Variants in NXPE2 observed in about 807,000 individuals in gnomAD.
NXPE2 encodes NXPE family member 2.
Under a neutral mutation model 34.4 loss-of-function variants are expected in NXPE2, and 34 were observed. That is an observed-to-expected ratio of 0.99 (90% CI 0.75 to 1.31). NXPE2 has a LOEUF of 1.31. NXPE2 is among the 40% of genes most tolerant of loss of function. NXPE2 has a pLI of 0.00. For synonymous variants in NXPE2, 235 were observed against 231.3 expected, an observed-to-expected ratio of 1.02 and a Z score of -0.15; for missense variants, 649 against 672.5, an observed-to-expected ratio of 0.97 and a Z score of 0.39.
the NXPE2 span, among the ~76,000 whole-genome samples, chr11:114,776,200 C>T: frequency 6.6e-6 from 1 of 152,224 alleles, no homozygotes; most frequent in Non-Finnish European, 1.5e-5. Flanking sequence ...AGTGCTGCAT[C>T]CTCTGATCCA....
At chr11:114,791,191 A>AG in the NXPE2 span, among the ~76,000 whole-genome samples, 6 of 151,794 alleles carry the variant, frequency 4.0e-5, no homozygotes, top group South Asian at 4.2e-4. Context: ...GAAAAAAAAA[A>AG]AAAGGGTGAG....
the NXPE2 span, among the ~76,000 whole-genome samples, chr11:114,807,061 T>A: frequency 6.6e-6 from 1 of 151,878 alleles, no homozygotes; most frequent in Non-Finnish European, 1.5e-5. Context: ...AAAAGAACTT[T>A]CAACCCAGAA....
the NXPE2 span, among the ~76,000 whole-genome samples, chr11:114,534,427 T>A: frequency 6.6e-6 from 1 of 152,168 alleles, no homozygotes; most frequent in African/African-American, 2.4e-5. Flanking sequence ...AGAACAAAGC[T>A]GGACGGAGAA....
the NXPE2 span, among the ~76,000 whole-genome samples, chr11:114,638,353 T>G: frequency 6.6e-6 from 1 of 152,054 alleles, no homozygotes; most frequent in Non-Finnish European, 1.5e-5. Flanking sequence ...GTTATTCTAG[T>G]TATCCATTCG....
the NXPE2 span, among the ~76,000 whole-genome samples, chr11:114,809,306 C>A: frequency 6.6e-6 from 1 of 151,866 alleles, no homozygotes; most frequent in Non-Finnish European, 1.5e-5. Flanking sequence ...CCCTCTCTCA[C>A]CACTCCTATT....
the NXPE2 span, among the ~76,000 whole-genome samples, chr11:114,651,824 T>C: frequency 2.0e-5 from 3 of 152,292 alleles, no homozygotes; most frequent in Non-Finnish European, 4.4e-5. Flanking sequence ...GCATTTACAA[T>C]CCTTTAGCTA....
chr11:114,560,914 C>T, the NXPE2 span, among the ~76,000 whole-genome samples: 9 of 152,220 alleles, frequency 5.9e-5, no homozygotes, highest in South Asian at 2.1e-4. Flanking sequence ...CTTAGCGATA[C>T]GGATTTCAGT....
At chr11:114,792,241 G>A in the NXPE2 span, among the ~76,000 whole-genome samples, 2 of 152,202 alleles carry the variant, frequency 1.3e-5, no homozygotes, top group East Asian at 3.9e-4. Context: ...TCAGCCCTTG[G>A]TGAAGCAGTT....
At chr11:114,644,726 C>T in the NXPE2 span, among the ~76,000 whole-genome samples, 4 of 151,700 alleles carry the variant, frequency 2.6e-5, no homozygotes, top group South Asian at 6.2e-4. Context: ...TCTCTATAAG[C>T]TGATTCTAAA....
At chr11:114,730,951 G>C in the NXPE2 span, among the ~76,000 whole-genome samples, 9 of 152,016 alleles carry the variant, frequency 5.9e-5, no homozygotes, top group Non-Finnish European at 1.3e-4. Flanking sequence ...GGTGAGAGTG[G>C]GCATACTTGT....
the NXPE2 span, among the ~76,000 whole-genome samples, chr11:114,533,546 G>A: frequency 2.0e-5 from 3 of 152,132 alleles, no homozygotes; most frequent in African/African-American, 4.8e-5. Context: ...TCAAAGAAAG[G>A]GGTGACAGAT....
the NXPE2 span, among the ~76,000 whole-genome samples, chr11:114,585,642 C>T: frequency 6.6e-6 from 1 of 151,884 alleles, no homozygotes; most frequent in Non-Finnish European, 1.5e-5. Context: ...ACATTTAGAA[C>T]ACCTAAATAT....
chr11:114,520,322 G>A, the NXPE2 span, among the ~76,000 whole-genome samples: 16 of 152,148 alleles, frequency 1.1e-4, no homozygotes, highest in Non-Finnish European at 2.1e-4. Context: ...TAGTTTTTAA[G>A]TTCCATATAT....
chr11:114,714,219 G>A, the NXPE2 span, among the ~76,000 whole-genome samples: 6 of 152,054 alleles, frequency 3.9e-5, no homozygotes, highest in African/African-American at 1.4e-4. Context: ...ACTATCAGGA[G>A]TACAATGACA....
At chr11:114,606,090 C>T in the NXPE2 span, among the ~76,000 whole-genome samples, 2 of 151,748 alleles carry the variant, frequency 1.3e-5, no homozygotes, top group African/African-American at 4.8e-5. Context: ...TAAGTATTAC[C>T]TCATGGGTAG....
the NXPE2 span, among the ~76,000 whole-genome samples, chr11:114,766,288 A>G: frequency 0.02 from 3,056 of 152,090 alleles, 98 homozygotes; most frequent in African/African-American, 0.071. Context: ...CTGCCCTTCC[A>G]CCTGCTATAA....
chr11:114,582,959 T>A, the NXPE2 span: 2 of 1,614,104 alleles, frequency 1.2e-6, no homozygotes, highest in Non-Finnish European at 1.7e-6. Context: ...TTTTAGGGAA[T>A]AAGGACTTTG....
At chr11:114,672,944 C>T in the NXPE2 span, among the ~76,000 whole-genome samples, 2 of 151,146 alleles carry the variant, frequency 1.3e-5, no homozygotes, top group Non-Finnish European at 3.0e-5. Context: ...AATTATAAGC[C>T]ATCTAGACCA....
the NXPE2 span, among the ~76,000 whole-genome samples, chr11:114,779,526 C>T: frequency 6.6e-6 from 1 of 152,190 alleles, no homozygotes; most frequent in African/African-American, 2.4e-5. Context: ...CGGGTGCCAG[C>T]TCAGCTCTGT....
Sources: allele counts gnomAD v4.1 joint callset (sites outside exome capture counted in the v4.1 genomes callset), GRCh38; gene constraint gnomAD v4.1.1; transcripts MANE v1.5; gene names NCBI Gene and HGNC (gene_info 2026-07-23, HGNC 2026-07-21).